Variants in ANKRD40 observed in about 807,000 individuals in gnomAD.
ANKRD40 encodes the protein ankyrin repeat domain-containing protein 40.
A neutral mutation model predicts 35.5 loss-of-function variants in ANKRD40; 24 were observed. That is an observed-to-expected ratio of 0.68 (90% CI 0.49 to 0.95). The LOEUF (loss-of-function observed/expected upper bound fraction) is 0.95, where lower values mean the gene tolerates loss of function less well. ANKRD40 is among the 40% of genes least tolerant of loss of function. The pLI is 0.00. For missense variants in ANKRD40, 361 were observed against 436.0 expected (o/e 0.83, Z 1.53); for synonymous variants, 147 against 173.5 (o/e 0.85, Z 1.20).
chr17:50,700,333 C>T (rs1195082797), intron 2 of ANKRD40: 2 of 385,828 alleles, frequency 5.2e-6, no homozygotes, highest in Non-Finnish European at 9.3e-6. Flanking sequence ...ATCCTAGCTA[C>T]TTGGGAGGCT....
intron 2 of ANKRD40, 144 bp from the exon 3 acceptor site, chr17:50,700,037 T>A: frequency 1.4e-6 from 1 of 734,180 alleles, no homozygotes. Flanking sequence ...GGTTTATGAT[T>A]ACCATTTTTA....
chr17:50,704,814 T>G (rs61517993), intron 1 of ANKRD40, among the ~76,000 whole-genome samples: 14,884 of 152,040 alleles, frequency 0.098, 932 homozygotes, highest in African/African-American at 0.18. Flanking sequence ...TGTAAAACAC[T>G]TAGAACCCTA....
intron 1 of ANKRD40, 72 bp from the exon 2 acceptor site, chr17:50,700,788 A>C (rs1341572887): frequency 1.3e-5 from 18 of 1,424,328 alleles, no homozygotes; most frequent in Middle Eastern, 1.9e-4. Context: ...ACATTAGTAA[A>C]TAATGTATAA....
At chr17:50,703,892 G>GAC (rs1412963606) in intron 1 of ANKRD40, among the ~76,000 whole-genome samples, 1 of 152,078 alleles carries the variant, frequency 6.6e-6, no homozygotes, top group Non-Finnish European at 1.5e-5. Context: ...TAGGAGCAAG[G>GAC]ACACTAGTAG....
Position 50,693,946 on chromosome 17 carries a change from C to A in ANKRD40, c.*2051G>T, listed in dbSNP as rs1968162575. On this transcript the variant is annotated 3_prime_UTR_variant, in exon 5 of 5. Transcript: ENST00000285243. Reference sequence around the variant, plus strand: ...AGGAGTTCGAGACCAGCCTGGCCAACATGGTGAAACCTTGTCTCTACTAAA... The same window carrying A: ...AGGAGTTCGAGACCAGCCTGGCCAAAATGGTGAAACCTTGTCTCTACTAAA... The A allele has an allele frequency of 6.6e-6, 1 of 151,910 alleles. No individual in the cohort carries two copies. Among genetic ancestry groups the A allele is most frequent in the African/African-American group, 2.4e-5 (1 of 41,332 alleles). 9.4% of individuals were successfully genotyped at this position (151,910 alleles called of 1,614,324 possible). A position where few individuals can be genotyped will look rare whatever the true frequency, so the allele number is the denominator to read the frequency against.
At chr17:50,703,541 T>C (rs1040356706) in intron 1 of ANKRD40, among the ~76,000 whole-genome samples, 9 of 152,082 alleles carry the variant, frequency 5.9e-5, no homozygotes, top group African/African-American at 2.2e-4. Context: ...TAAACTAAAA[T>C]CTGAAGGTGG....
chr17:50,705,401 G>C (rs1968320255), intron 1 of ANKRD40, among the ~76,000 whole-genome samples: 1 of 142,008 alleles, frequency 7.0e-6, no homozygotes, highest in Admixed American at 7.1e-5. Flanking sequence ...ATACACAACA[G>C]CAAGTTTGCA....
intron 2 of ANKRD40, 41 bp downstream of exon 2, chr17:50,700,527 G>A: frequency 6.3e-7 from 1 of 1,587,976 alleles, no homozygotes; most frequent in South Asian, 1.1e-5. Flanking sequence ...AGTCTTCAAT[G>A]AGTCTGAGGA....
At chr17:50,706,902 T>TC (rs1968345925) in intron 1 of ANKRD40, among the ~76,000 whole-genome samples, 1 of 5,434 alleles carries the variant, frequency 1.8e-4, no homozygotes, top group Non-Finnish European at 3.7e-4. Flanking sequence ...AGACCCTGTC[T>TC]CAAAAAAAAA....
intron 1 of ANKRD40, among the ~76,000 whole-genome samples, chr17:50,703,488 T>A (rs944807119): frequency 3.9e-5 from 6 of 152,160 alleles, no homozygotes; most frequent in Non-Finnish European, 8.8e-5. Context: ...TGTGCAACTT[T>A]AAATTGAGGG....
intron 1 of ANKRD40, chr17:50,701,007 G>A (rs551746880): frequency 6.7e-5 from 19 of 284,260 alleles, no homozygotes; most frequent in East Asian, 5.1e-4. Context: ...CAATGATACC[G>A]TGGAATATAC....
At chr17:50,701,474 A>C (rs1359416425) in intron 1 of ANKRD40, among the ~76,000 whole-genome samples, 1 of 152,164 alleles carries the variant, frequency 6.6e-6, no homozygotes, top group African/African-American at 2.4e-5. Context: ...AAAACTAATC[A>C]CTCAATATTG....
rs1407276553 is a variant in ANKRD40, at chr17:50,695,330, TGA to T, written c.*665_*666del. The T allele has an allele frequency of 6.6e-6, 1 of 152,432 alleles. No homozygotes were observed. Among genetic ancestry groups the T allele is most frequent in the Non-Finnish European group, 1.5e-5 (1 of 68,052 alleles). 9.4% of individuals were successfully genotyped at this position (152,432 alleles called of 1,614,324 possible). On this transcript the variant is annotated 3_prime_UTR_variant, in exon 5 of 5. Coordinates refer to ENST00000285243, the MANE Select transcript of ANKRD40 (RefSeq NM_052855.4). ...ATGACTCGAGACAGAGAAGCAGTCA[TGA>T]GTGTTTACAAAGGAAAAAGTGAGGG...
rs767871156 is a variant in ANKRD40 at position 50,699,557 on chromosome 17, G to A, written c.620C>T (p.Pro207Leu). 1.2e-6 allele frequency: 2 copies of A among 1,614,224 alleles called. No homozygotes were observed. Among genetic ancestry groups the A allele is most frequent in the Admixed American group, 1.7e-5 (1 of 60,026 alleles). Residue 207 changes from proline (P) to leucine (L), a missense_variant, in exon 3 of 5, where the codon CCT (proline) becomes CTT (leucine). By Grantham distance (98) the Pro-to-Leu change is moderately conservative (BLOSUM62 -3). Around this residue, in one of 5 missense-constraint regions of ANKRD40, gnomAD observed 172 missense variants for 174.0 expected, o/e 0.99. Coordinates refer to ENST00000285243, the MANE Select transcript of ANKRD40 (RefSeq NM_052855.4). ...LRTPESTKPG[P>L]VCQPPVSQSR... is the part of the protein sequence containing the mutation. ...CTGACTCACTGGTGGCTGACAAACA[G>A]GACCCGGTTTTGTGCTTTCTGGTGT...
In ANKRD40 at chr17:50,707,035, A is replaced by G. The variant is rs1968349269; in HGVS notation, c.134+486T>C. The stretch of plus-strand genomic sequence containing the variant: ...TGCAGTGAAACAACAGAGAAGCAGA[A>G]TGGTGATGCAAATGTGTTTTTTTTT... On this transcript the variant is annotated intron_variant, in intron 1 of 4. Transcript: ENST00000285243. The surrounding 1 kb of genome is among the most constrained non-coding windows in gnomAD (Gnocchi z 4.8). Among the ~76,000 whole-genome samples the G allele has an allele frequency of 6.6e-6, 1 of 151,982 alleles. No homozygotes were observed. The highest frequency in any genetic ancestry group is 2.4e-5 in the African/African-American group (1 of 41,392).
In ANKRD40 at chr17:50,707,258, C is replaced by A. The variant is rs550444782; in HGVS notation, c.134+263G>T. 7.5e-4 allele frequency among the ~76,000 whole-genome samples: 114 copies of A among 152,248 alleles called. 1 individual carries two copies. Among genetic ancestry groups the A allele is most frequent in the Admixed American group, 1.9e-3 (29 of 15,304 alleles). On this transcript the variant is annotated intron_variant, in intron 1 of 4. Transcript: ENST00000285243. The surrounding 1 kb of genome is among the most constrained non-coding windows in gnomAD (Gnocchi z 4.8). ...CCGCTCTGACCAAGTGAGCCGGGAG[C>A]GCGGGGGAAGGGGGTAGGGCACCAG...
At chr17:50,704,931 G>T (rs1230179680) in intron 1 of ANKRD40, among the ~76,000 whole-genome samples, 2 of 151,762 alleles carry the variant, frequency 1.3e-5, no homozygotes, top group African/African-American at 4.8e-5. Context: ...TGGCTAACAC[G>T]GTGAAACCCC....
At chr17:50,705,947 C>T (rs189206895) in intron 1 of ANKRD40, among the ~76,000 whole-genome samples, 287 of 151,622 alleles carry the variant, frequency 1.9e-3, no homozygotes, top group Middle Eastern at 3.4e-3. Flanking sequence ...GCGTCAGCCA[C>T]CGCGCCAGGT....
chr17:50,697,371 C>G (rs991877073), intron 3 of ANKRD40, among the ~76,000 whole-genome samples: 8 of 152,178 alleles, frequency 5.3e-5, no homozygotes, highest in Non-Finnish European at 1.0e-4. Context: ...AAGAGCAAGG[C>G]AGGGGAAACC....
Sources: gnomAD v4.1 joint callset for allele counts (sites outside exome capture counted in the v4.1 genomes callset) on GRCh38, gnomAD v4.1.1 for gene constraint, gnomAD v4.1.1 regional missense constraint, Gnocchi (gnomAD v3.1) non-coding constraint, MANE v1.5 for transcripts, NCBI Gene and HGNC (gene_info 2026-07-23, HGNC 2026-07-21) for gene names.